The following MET variants were observed in gnomAD, a reference collection of about 807,000 sequenced individuals.
MET encodes the protein hepatocyte growth factor receptor.
A neutral mutation model predicts 133.1 loss-of-function variants in MET; 48 were observed. The ratio of observed to expected loss-of-function variants is 0.36; its 90% CI spans 0.29 to 0.46. MET has a LOEUF of 0.46. Ranked by LOEUF, MET falls within the 20% of genes least tolerant of loss-of-function variation. MET has a pLI of 1.00. For missense variants in MET, 1,442 were observed against 1,695.9 expected, an observed-to-expected ratio of 0.85 and a Z score of 2.63; for synonymous variants, 628 against 616.5, an observed-to-expected ratio of 1.02 and a Z score of -0.28.
intron 17 of MET, among the ~76,000 whole-genome samples, chr7:116,779,803 G>A (rs1795100978): frequency 6.6e-6 from 1 of 152,046 alleles, no homozygotes; most frequent in Non-Finnish European, 1.5e-5. Flanking sequence ...TTTGGGGGTT[G>A]AAAAATACAT....
chr7:116,696,887 T>G (rs1195103668), intron 1 of MET, among the ~76,000 whole-genome samples: 1 of 152,214 alleles, frequency 6.6e-6, no homozygotes, highest in African/African-American at 2.4e-5. Flanking sequence ...CCAAGACTGA[T>G]CATGCCGCTT....
chr7:116,763,382 A>G, intron 11 of MET, 114 bp downstream of exon 11: 3 of 918,446 alleles, frequency 3.3e-6, no homozygotes, highest in Non-Finnish European at 5.2e-6. Context: ...ACACCAGCAA[A>G]TATATAAACT....
At chr7:116,700,416 T>C (rs1791534775) in intron 2 of MET, 132 bp downstream of exon 2, 1 of 1,035,208 alleles carries the variant, frequency 9.7e-7, no homozygotes, top group South Asian at 2.5e-5. Flanking sequence ...TGCAGATTTT[T>C]TCCAAGAAAA....
At chr7:116,719,985 T>G (rs1356710358) in intron 2 of MET, among the ~76,000 whole-genome samples, 1 of 151,618 alleles carries the variant, frequency 6.6e-6, no homozygotes, top group African/African-American at 2.4e-5. Context: ...TCTTTTTTGG[T>G]TCCATATGAA....
intron 12 of MET, 42 bp from the exon 13 acceptor site, chr7:116,771,456 A>G (rs754383158): frequency 8.3e-5 from 134 of 1,612,336 alleles, no homozygotes; most frequent in Non-Finnish European, 1.1e-4. Context: ...ACAAATATCT[A>G]TCATGGCTAA....
intron 6 of MET, 142 bp downstream of exon 6, chr7:116,755,657 TTC>T: frequency 4.0e-6 from 4 of 996,238 alleles, no homozygotes. Flanking sequence ...TGTGGGTCTG[TTC>T]TGTTTTGTTC....
chr7:116,768,162 C>A (rs1260846553), intron 11 of MET, among the ~76,000 whole-genome samples: 1 of 152,012 alleles, frequency 6.6e-6, no homozygotes, highest in African/African-American at 2.4e-5. Context: ...CTTTATGCAA[C>A]AACCAGGGAG....
chr7:116,773,186 C>T (rs943339570), intron 14 of MET, among the ~76,000 whole-genome samples: 10 of 152,086 alleles, frequency 6.6e-5, no homozygotes, highest in Non-Finnish European at 8.8e-5. Context: ...TCCTTGGAGA[C>T]ATGAAAAGAA....
In MET at chr7:116,740,041, C is replaced by A. The variant is rs45585831; in HGVS notation, c.1484C>A (p.Thr495Lys). The A allele has an allele frequency of 6.2e-7, 1 of 1,614,120 alleles. No individual in the cohort carries two copies. Among genetic ancestry groups the A allele is most frequent in the African/African-American group, 1.3e-5 (1 of 75,044 alleles). The part of the protein sequence containing the change: ...PVSPEVIVEH[T>K]LNQNGYTLVI... ...TCTCCAGAAGTGATTGTGGAGCATA[C>A]ATTAAACCAAAATGGCTACACACTG... Residue 495 changes from threonine (T) to lysine (K), a missense_variant, in exon 4 of 21, where the codon ACA (threonine) becomes AAA (lysine). Physicochemically the swap from Thr to Lys is moderately conservative, Grantham distance 78. Around this residue, in one of 6 missense-constraint regions of MET, gnomAD observed 762 missense variants for 792.4 expected, o/e 0.96. Transcript: ENST00000397752.
chr7:116,744,910 T>C, intron 5 of MET, among the ~76,000 whole-genome samples: 1 of 152,162 alleles, frequency 6.6e-6, no homozygotes, highest in South Asian at 2.1e-4. Flanking sequence ...TTCAACATAG[T>C]GTTGGAATTT....
intron 1 of MET, chr7:116,695,727 T>C (rs755150048): frequency 1.7e-5 from 8 of 478,170 alleles, no homozygotes; most frequent in Middle Eastern, 3.2e-4. Context: ...AAGAGAAGGA[T>C]AATAATACTT....
At chr7:116,721,164 T>G (rs1792469328) in intron 2 of MET, among the ~76,000 whole-genome samples, 1 of 152,200 alleles carries the variant, frequency 6.6e-6, no homozygotes, top group Non-Finnish European at 1.5e-5. Flanking sequence ...CAATTTCAGC[T>G]CCTGTTATTG....
chr7:116,716,936 A>G (rs554091190), intron 2 of MET, among the ~76,000 whole-genome samples: 2 of 152,306 alleles, frequency 1.3e-5, no homozygotes, highest in East Asian at 1.9e-4. Context: ...GCAGAAAGAA[A>G]TTGAAGCCTC....
intron 1 of MET, among the ~76,000 whole-genome samples, chr7:116,684,382 C>T (rs1796471693): frequency 6.6e-6 from 1 of 152,184 alleles, no homozygotes; most frequent in South Asian, 2.1e-4. Flanking sequence ...TGTAATGACA[C>T]TATGCTAAGG....
rs2117109060 is a variant in MET at position 116,795,777 on chromosome 7, C to T, written c.3921C>T (p.Tyr1307=). 7 of 1,614,216 alleles carry T rather than the reference C, an allele frequency of 4.3e-6. No homozygotes were observed. The South Asian group carries it at 5.5e-5, about 13-fold the overall frequency. ...GGAGAAGACTCCTACAACCCGAATA[C>T]TGCCCAGACCCCTTGTAAGTAGTCT... ...LQGRRLLQPE[Y]CPDPLYEVML... The change falls in exon 20 of 21, where the codon TAC becomes TAT. Residue 1307 remains tyrosine, a synonymous_variant. Transcript: ENST00000397752.
At chr7:116,705,771 C>T (rs1296186667) in intron 2 of MET, among the ~76,000 whole-genome samples, 1 of 152,244 alleles carries the variant, frequency 6.6e-6, no homozygotes, top group East Asian at 1.9e-4. Context: ...TTCATCCTCT[C>T]ATAGGCTCAG....
chr7:116,768,043 T>TATAA lies in MET; in HGVS notation c.2584-1601_2584-1600insTAAA, dbSNP rs1554397555. Among the ~76,000 whole-genome samples the TATAA allele has an allele frequency of 6.0e-5, 9 of 150,774 alleles. 1 individual carries two copies. The highest frequency in any genetic ancestry group is 3.3e-4 in the Admixed American group (5 of 15,058). ...GTGTGTGTGTATATATATATATATA[T>TATAA]AACTGATAGTAGTTGCTTATATAAG... On this transcript the variant is annotated intron_variant, in intron 11 of 20. Coordinates refer to ENST00000397752, the MANE Select transcript of MET (RefSeq NM_000245.4).
chr7:116,782,307 G>A (rs1795181194), intron 18 of MET, among the ~76,000 whole-genome samples: 1 of 152,188 alleles, frequency 6.6e-6, no homozygotes. Flanking sequence ...TCTCCATAGG[G>A]GGTCTTAAAC....
intron 1 of MET, among the ~76,000 whole-genome samples, chr7:116,687,657 C>A (rs1390825507): frequency 1.3e-5 from 2 of 152,106 alleles, no homozygotes; most frequent in African/African-American, 4.8e-5. Flanking sequence ...CAATTTTGAT[C>A]GTGAAAAAGA....
Sources: allele counts gnomAD v4.1 joint callset (sites outside exome capture counted in the v4.1 genomes callset), GRCh38; gene constraint gnomAD v4.1.1; regional missense constraint gnomAD v4.1.1; transcripts MANE v1.5; gene names NCBI Gene and HGNC (gene_info 2026-07-23, HGNC 2026-07-21).